Variants in SH3RF3 observed in about 807,000 individuals in gnomAD.
SH3RF3 encodes SH3 domain containing ring finger 3, also known as E3 ubiquitin-protein ligase SH3RF3.
A neutral mutation model predicts 66.3 loss-of-function variants in SH3RF3; 29 were observed. The observed-to-expected ratio is 0.44, with a 90% CI of 0.33 to 0.60. The LOEUF is 0.60. Among genes scored for constraint, SH3RF3 ranks in the 20% least tolerant of loss-of-function variants. The pLI is 0.04. For missense variants in SH3RF3, 1,194 were observed against 1,190.9 expected (o/e 1.00, Z -0.04); for synonymous variants, 583 against 532.0 (o/e 1.10, Z -1.32).
chr2:109,483,494 G>C (rs1678887113), intron 8 of SH3RF3, among the ~76,000 whole-genome samples: 1 of 152,174 alleles, frequency 6.6e-6, no homozygotes, highest in South Asian at 2.1e-4. Context: ...CCTTCCGCCT[G>C]TTTTCCTGAC....
Position 109,281,333 on chromosome 2 carries a change from C to T in SH3RF3, c.574-66341C>T, listed in dbSNP as rs149701929. Among the ~76,000 whole-genome samples, 6 of 152,328 alleles carry T rather than the reference C, an allele frequency of 3.9e-5. No individual in the cohort carries two copies. In the East Asian group the frequency reaches 7.7e-4, roughly 20 times the overall value. Reference sequence around the variant, plus strand: ...GCCTCTTCCTTCCCCGGGCCCCCTCCGTTATCCATCAGGAATTCTACTCTT... The same window carrying T: ...GCCTCTTCCTTCCCCGGGCCCCCTCTGTTATCCATCAGGAATTCTACTCTT... On this transcript the variant is annotated intron_variant, in intron 1 of 9. Coordinates refer to ENST00000309415, the MANE Select transcript of SH3RF3 (RefSeq NM_001099289.3).
chr2:109,347,580 A>G lies in SH3RF3; in HGVS notation c.574-94A>G. On this transcript the variant is annotated intron_variant, in intron 1 of 9. Transcript: ENST00000309415. ...CTGTATGCACCCCCAGGACACAGAA[A>G]GCCCCTGAGAAGCCCCGGCCTGCCC... is the stretch of plus-strand genomic sequence containing the variant. The G allele has an allele frequency of 4.0e-6, 6 of 1,488,090 alleles. No homozygotes were observed. In the South Asian group the frequency reaches 5.4e-5, roughly 13 times the overall value. 92.2% of individuals were successfully genotyped at this position (1,488,090 alleles called of 1,614,324 possible). A position where few individuals can be genotyped will look rare whatever the true frequency, so the allele number is the denominator to read the frequency against.
chr2:109,369,413 T>C (rs1215491471), intron 2 of SH3RF3, among the ~76,000 whole-genome samples: 2 of 152,224 alleles, frequency 1.3e-5, no homozygotes, highest in African/African-American at 4.8e-5. Context: ...GGAGGGACGC[T>C]CTGCTAAATG....
chr2:109,458,380 C>G (rs1039148288), intron 8 of SH3RF3, among the ~76,000 whole-genome samples: 2 of 152,158 alleles, frequency 1.3e-5, no homozygotes, highest in South Asian at 2.1e-4. Context: ...AGATTTATGG[C>G]TTCATCACCT....
rs149303455 is a variant in SH3RF3, at chr2:109,325,978, A to T, written c.574-21696A>T. Among the ~76,000 whole-genome samples, 4 of 152,370 alleles carry T rather than the reference A, an allele frequency of 2.6e-5. No individual in the cohort carries two copies. The East Asian group carries it at 7.7e-4, about 29-fold the overall frequency. ...CACTGTGAACCGTAACGTATATGTC[A>T]TGTTTAAAGAAGAACAACAACAAAC... On this transcript the variant is annotated intron_variant, in intron 1 of 9. Coordinates refer to ENST00000309415, the MANE Select transcript of SH3RF3 (RefSeq NM_001099289.3).
intron 3 of SH3RF3, among the ~76,000 whole-genome samples, chr2:109,397,471 C>CT (rs1359533970): frequency 5.9e-5 from 9 of 152,164 alleles, no homozygotes; most frequent in Non-Finnish European, 1.3e-4. Context: ...CTGCTTTATT[C>CT]TTTCAAATCA....
intron 1 of SH3RF3, among the ~76,000 whole-genome samples, chr2:109,200,953 G>C (rs537825211): frequency 2.0e-5 from 3 of 152,264 alleles, no homozygotes; most frequent in Admixed American, 2.0e-4. Context: ...AGTGGCCCGG[G>C]GCCCACCCAC....
intron 1 of SH3RF3, among the ~76,000 whole-genome samples, chr2:109,305,324 A>T (rs1681565118): frequency 6.6e-6 from 1 of 151,938 alleles, no homozygotes; most frequent in African/African-American, 2.4e-5. Context: ...GAGAGGATGA[A>T]GCGCCTCTTC....
chr2:109,391,539 G>C (rs1675997382), intron 3 of SH3RF3, among the ~76,000 whole-genome samples: 1 of 152,206 alleles, frequency 6.6e-6, no homozygotes, highest in South Asian at 2.1e-4. Context: ...AACTTCAAGG[G>C]GGGAATCTCC....
chr2:109,138,441 G>A (rs1315726029), intron 1 of SH3RF3, among the ~76,000 whole-genome samples: 2 of 152,256 alleles, frequency 1.3e-5, no homozygotes, highest in South Asian at 2.1e-4. Context: ...GACAGTTGCT[G>A]TTGTTGCTGG....
At chr2:109,326,260 G>A (rs1398981641) in intron 1 of SH3RF3, among the ~76,000 whole-genome samples, 1 of 152,088 alleles carries the variant, frequency 6.6e-6, no homozygotes, top group Non-Finnish European at 1.5e-5. Flanking sequence ...CATAGATGTC[G>A]CTCATTTGTT....
intron 1 of SH3RF3, among the ~76,000 whole-genome samples, chr2:109,234,254 T>C (rs1441866069): frequency 6.6e-6 from 1 of 152,238 alleles, no homozygotes; most frequent in African/African-American, 2.4e-5. Flanking sequence ...ATTCTGAAAC[T>C]GTTACTAAGG....
chr2:109,339,927 G>C (rs969272421), intron 1 of SH3RF3, among the ~76,000 whole-genome samples: 33 of 152,196 alleles, frequency 2.2e-4, no homozygotes, highest in African/African-American at 7.7e-4. Context: ...TCGCCTTTTG[G>C]GGGAGTGAGG....
chr2:109,163,193 G>A (rs973912822), intron 1 of SH3RF3, among the ~76,000 whole-genome samples: 1 of 152,142 alleles, frequency 6.6e-6, no homozygotes, highest in Non-Finnish European at 1.5e-5. Flanking sequence ...GCGGGAATAG[G>A]AACTCGCGGG....
intron 1 of SH3RF3, among the ~76,000 whole-genome samples, chr2:109,328,193 G>A (rs1279943517): frequency 6.6e-6 from 1 of 152,222 alleles, no homozygotes; most frequent in Non-Finnish European, 1.5e-5. Context: ...TAGTCCATGT[G>A]TGGATTTCCC....
intron 1 of SH3RF3, among the ~76,000 whole-genome samples, chr2:109,154,775 G>T (rs1392058652): frequency 6.6e-6 from 1 of 152,188 alleles, no homozygotes; most frequent in Non-Finnish European, 1.5e-5. Context: ...CAGAGTGTAT[G>T]TGTTTTTGGA....
chr2:109,360,526 C>T (rs1683032513), intron 2 of SH3RF3, among the ~76,000 whole-genome samples: 1 of 152,030 alleles, frequency 6.6e-6, no homozygotes, highest in Non-Finnish European at 1.5e-5. Flanking sequence ...GGTCCCATAC[C>T]CAAGATATCT....
chr2:109,490,485 T>A, intron 8 of SH3RF3, 120 bp from the exon 9 acceptor site: 1 of 918,646 alleles, frequency 1.1e-6, no homozygotes, highest in Non-Finnish European at 1.5e-6. Flanking sequence ...GTCTTTTGTC[T>A]GAAAAAATAA....
At chr2:109,269,165 G>A (rs975250261) in intron 1 of SH3RF3, among the ~76,000 whole-genome samples, 1 of 152,242 alleles carries the variant, frequency 6.6e-6, no homozygotes, top group South Asian at 2.1e-4. Flanking sequence ...TTCCCTGGGG[G>A]AGAGGGACCA....
Sources: allele counts gnomAD v4.1 joint callset (sites outside exome capture counted in the v4.1 genomes callset), GRCh38; gene constraint gnomAD v4.1.1; transcripts MANE v1.5; gene names NCBI Gene and HGNC (gene_info 2026-07-23, HGNC 2026-07-21).